PIK3C2A: variants seen among roughly 807,000 people sequenced by gnomAD.
PIK3C2A encodes the protein phosphatidylinositol-4-phosphate 3-kinase catalytic subunit type 2 alpha.
In PIK3C2A, 97 loss-of-function variants were observed where a neutral mutation model predicts 204.5. That is an observed-to-expected ratio of 0.47 (90% CI 0.40 to 0.56). The LOEUF (loss-of-function observed/expected upper bound fraction) is 0.56. Among genes scored for constraint, PIK3C2A ranks in the 20% least tolerant of loss-of-function variants. The pLI is 0.00. For missense variants in PIK3C2A, 1,735 were observed against 1,969.2 expected, an observed-to-expected ratio of 0.88 and a Z score of 2.25; for synonymous variants, 653 against 664.4, an observed-to-expected ratio of 0.98 and a Z score of 0.26.
At chr11:17,133,598 T>C (rs1849774518) in intron 11 of PIK3C2A, among the ~76,000 whole-genome samples, 3 of 152,214 alleles carry the variant, frequency 2.0e-5, no homozygotes, top group African/African-American at 7.2e-5. Flanking sequence ...TAAAAATATT[T>C]CTGACTTTTC....
intron 2 of PIK3C2A, among the ~76,000 whole-genome samples, chr11:17,166,993 T>C (rs1307576341): frequency 6.6e-6 from 1 of 151,992 alleles, no homozygotes; most frequent in Non-Finnish European, 1.5e-5. Context: ...TTTTTTGAGA[T>C]AGAGTCTTGC....
intron 1 of PIK3C2A, chr11:17,193,456 G>C (rs923540695): frequency 5.0e-6 from 2 of 396,602 alleles, no homozygotes; most frequent in Non-Finnish European, 9.9e-6. Context: ...TCCGGTTCTA[G>C]GTGCTTCAGG....
At chr11:17,121,644 A>G (rs543141871) in intron 15 of PIK3C2A, among the ~76,000 whole-genome samples, 2 of 152,240 alleles carry the variant, frequency 1.3e-5, no homozygotes, top group South Asian at 4.2e-4. Flanking sequence ...CACTTTTCAC[A>G]AGGTATTTTA....
At chr11:17,118,410 T>C (rs1849272475) in intron 18 of PIK3C2A, among the ~76,000 whole-genome samples, 1 of 152,130 alleles carries the variant, frequency 6.6e-6, no homozygotes, top group Non-Finnish European at 1.5e-5. Flanking sequence ...TTAAGCTATA[T>C]AAGCAAGTCG....
intron 1 of PIK3C2A, among the ~76,000 whole-genome samples, chr11:17,205,221 C>T (rs1852525174): frequency 6.6e-6 from 1 of 151,544 alleles, no homozygotes; most frequent in South Asian, 2.1e-4. Context: ...CCTGTAATCC[C>T]AGCACTTTGG....
At chr11:17,143,006 T>C (rs930021937) in intron 8 of PIK3C2A, among the ~76,000 whole-genome samples, 70 of 151,614 alleles carry the variant, frequency 4.6e-4, no homozygotes, top group African/African-American at 1.6e-3. Context: ...ACAATGATTT[T>C]CCTGGTGACC....
intron 13 of PIK3C2A, among the ~76,000 whole-genome samples, 176 bp from the exon 14 acceptor site, chr11:17,122,989 G>C (rs895467141): frequency 5.3e-5 from 8 of 152,082 alleles, no homozygotes. Flanking sequence ...TCAGGTGTAG[G>C]GTAAATGTAT....
chr11:17,197,371 G>A (rs139472273), intron 1 of PIK3C2A, among the ~76,000 whole-genome samples: 178 of 152,114 alleles, frequency 1.2e-3, no homozygotes, highest in African/African-American at 4.1e-3. Context: ...ATTATCCACT[G>A]CACAACTACT....
chr11:17,161,792 G>C (rs1036275199), intron 2 of PIK3C2A, among the ~76,000 whole-genome samples: 2 of 152,052 alleles, frequency 1.3e-5, no homozygotes, highest in African/African-American at 4.8e-5. Context: ...TAATTATAAA[G>C]AATAGGCATT....
chr11:17,200,445 C>G (rs75436215), intron 1 of PIK3C2A, among the ~76,000 whole-genome samples: 1 of 90,442 alleles, frequency 1.1e-5, no homozygotes, highest in South Asian at 5.0e-4. Context: ...AAAAAAGAGA[C>G]ATGTTATTGA....
intron 19 of PIK3C2A, among the ~76,000 whole-genome samples, 181 bp downstream of exon 19, chr11:17,117,310 T>C (rs1048788489): frequency 6.6e-6 from 1 of 152,118 alleles, no homozygotes; most frequent in African/African-American, 2.4e-5. Flanking sequence ...TTTTAATAGG[T>C]TGTGAAATAT....
At chr11:17,182,722 G>C (rs1411704259) in intron 1 of PIK3C2A, among the ~76,000 whole-genome samples, 4 of 152,112 alleles carry the variant, frequency 2.6e-5, no homozygotes, top group Non-Finnish European at 1.5e-5. Flanking sequence ...CATGGGGAAA[G>C]GATAAGACTA....
At position 17,176,064 on chromosome 11, in the gene PIK3C2A, T is replaced by C. The variant is rs1223368756; in HGVS notation, c.-65-6258A>G. Among the ~76,000 whole-genome samples, 12 of 151,016 alleles carry C rather than the reference T, an allele frequency of 7.9e-5. No homozygotes were observed. In the East Asian group the frequency reaches 2.3e-3, roughly 29 times the overall value. ...TGTCGCCCAGGCTAGAGTGCAATGG[T>C]GCGATCTCGGTTCACCACAACCTCT... On this transcript the variant is annotated intron_variant, in intron 1 of 32. Coordinates refer to ENST00000691414, the MANE Select transcript of PIK3C2A (RefSeq NM_002645.4).
At position 17,169,256 on chromosome 11, in the gene PIK3C2A, G is replaced by A. The variant is rs200262506; in HGVS notation, c.486C>T (p.Tyr162=). The A allele has an allele frequency of 1.4e-5, 23 of 1,614,108 alleles. No individual in the cohort carries two copies. The highest frequency in any genetic ancestry group is 1.3e-4 in the Admixed American group (8 of 60,018). The change falls in exon 2 of 33, where the codon TAC becomes TAT. Residue 162 remains tyrosine (Y), a synonymous_variant. Coordinates refer to ENST00000691414, the MANE Select transcript of PIK3C2A (RefSeq NM_002645.4). ...CATTTTGGAATGCAGCCTGTTTACT[G>A]TAAGTAGAAGGATAAATAGAAGGTA... ...YALPSIYPST[Y]SKQAAFQNGF...
chr11:17,120,106 G>A, intron 15 of PIK3C2A, 132 bp from the exon 16 acceptor site: 1 of 500,046 alleles, frequency 2.0e-6, no homozygotes, highest in Non-Finnish European at 3.4e-6. Context: ...ATACTAATTT[G>A]GAATAGAAAA....
At chr11:17,099,999 T>G in intron 25 of PIK3C2A, 30 bp from the exon 26 acceptor site, 1 of 1,033,708 alleles carries the variant, frequency 9.7e-7, no homozygotes, top group Non-Finnish European at 1.5e-6. Context: ...GTTCTGTGAG[T>G]TAAATTTTTT....
chr11:17,120,688 T>C (rs184585348), intron 15 of PIK3C2A, among the ~76,000 whole-genome samples: 106 of 152,262 alleles, frequency 7.0e-4, no homozygotes, highest in African/African-American at 2.3e-3. Context: ...CACACGGATA[T>C]ATGTAGATCC....
At chr11:17,167,911 C>T (rs754081111) in intron 2 of PIK3C2A, among the ~76,000 whole-genome samples, 1 of 152,030 alleles carries the variant, frequency 6.6e-6, no homozygotes, top group Non-Finnish European at 1.5e-5. Context: ...TTAAATTGCT[C>T]TTCTCTCTGG....
intron 23 of PIK3C2A, 126 bp from the exon 24 acceptor site, chr11:17,102,957 C>A: frequency 1.7e-6 from 1 of 603,500 alleles, no homozygotes; most frequent in Admixed American, 3.3e-5. Context: ...CAATAGCATA[C>A]AAACTGGGAT....
Sources: allele counts gnomAD v4.1 joint callset (sites outside exome capture counted in the v4.1 genomes callset), GRCh38; gene constraint gnomAD v4.1.1; transcripts MANE v1.5; gene names NCBI Gene and HGNC (gene_info 2026-07-23, HGNC 2026-07-21).